COX11: variants seen among roughly 807,000 people sequenced by gnomAD.
The protein encoded by COX11 is cytochrome c oxidase copper chaperone COX11, also known as cytochrome c oxidase assembly protein COX11, mitochondrial.
COX11 carries 18 observed loss-of-function variants against 29.4 expected under a neutral mutation model. The ratio of observed to expected loss-of-function variants is 0.61; its 90% confidence interval spans 0.42 to 0.91. The LOEUF (loss-of-function observed/expected upper bound fraction) is 0.91. Among genes scored for constraint, COX11 ranks in the 40% least tolerant of loss-of-function variants. The pLI is 0.00. For synonymous variants in COX11, 131 were observed against 124.0 expected (o/e 1.06, Z -0.38); for missense variants, 312 against 346.0 (o/e 0.90, Z 0.78).
chr17:54,953,854 A>C (rs920145081), exon 1 of COX11: 19 of 152,316 alleles, frequency 1.2e-4, no homozygotes, highest in African/African-American at 4.3e-4. Context: ...TGAGAGATGA[A>C]GTGAGATTAA....
At chr17:54,964,071 C>T (rs2077178348) in intron 2 of COX11, among the ~76,000 whole-genome samples, 2 of 152,112 alleles carry the variant, frequency 1.3e-5, no homozygotes, top group African/African-American at 2.4e-5. Flanking sequence ...TGGGCAAGCA[C>T]TAATATTTAT....
At chr17:54,967,222 G>T (rs1248703959) in intron 1 of COX11, among the ~76,000 whole-genome samples, 1 of 152,194 alleles carries the variant, frequency 6.6e-6, no homozygotes, top group Non-Finnish European at 1.5e-5. Context: ...TGGGTAATGT[G>T]TGTGGATTTT....
exon 1 of COX11, chr17:54,953,708 C>T (rs558956867): frequency 3.3e-5 from 5 of 152,372 alleles, no homozygotes; most frequent in Admixed American, 2.0e-4. Flanking sequence ...GTAGGGCTGC[C>T]GCATCTTCTT....
At chr17:54,958,369 CAT>C (rs1226840398), downstream of COX11, 4 of 152,160 alleles carry the variant, frequency 2.6e-5, no homozygotes, top group South Asian at 2.1e-4. Context: ...TTGAAAAGCA[CAT>C]GAGAGATTAA....
intron 2 of COX11, 145 bp from the exon 3 acceptor site, chr17:54,963,576 A>C (rs1274072096): frequency 1.3e-6 from 1 of 755,312 alleles, no homozygotes; most frequent in Non-Finnish European, 2.1e-6. Context: ...AATTGTGAAT[A>C]TTACCCATAA....
Position 54,968,265 on chromosome 17 carries a change from C to A in COX11, c.366+16G>T. On this transcript the variant is annotated intron_variant, in intron 1 of 3. Coordinates refer to ENST00000299335, the MANE Select transcript of COX11 (RefSeq NM_004375.5). ...TCTCGCGTCTGCGCCACCCTGCGGG[C>A]GGCGCCGGCCCCTACCTGGCAATAG... 6.2e-7 allele frequency: 1 copy of A among 1,600,790 alleles called. No individual in the cohort carries two copies. Among genetic ancestry groups the A allele is most frequent in the Non-Finnish European group, 8.5e-7 (1 of 1,175,436 alleles).
Position 54,961,313 on chromosome 17 carries a change from C to A in COX11, c.*1420G>T, listed in dbSNP as rs1446406242. ...CGTAGACTCTGTGCAGCTTTGAAGCCTGGAAGACAATACCTACCAACATGT... is the reference window on the plus strand; with the variant it reads ...CGTAGACTCTGTGCAGCTTTGAAGCATGGAAGACAATACCTACCAACATGT... On this transcript the variant is annotated 3_prime_UTR_variant, in exon 4 of 4. Coordinates refer to ENST00000299335, the MANE Select transcript of COX11 (RefSeq NM_004375.5). 5 of 1,551,546 alleles carry A rather than the reference C, an allele frequency of 3.2e-6. No individual in the cohort carries two copies. Among genetic ancestry groups the A allele is most frequent in the Non-Finnish European group, 4.4e-6 (5 of 1,146,902 alleles).
exon 1 of COX11, chr17:54,954,799 T>G (rs1252547182): frequency 1.2e-4 from 18 of 152,208 alleles, no homozygotes; most frequent in Admixed American, 1.2e-3. Flanking sequence ...CTGCATTTCA[T>G]CTGCAAGGCA....
downstream of COX11, chr17:54,957,930 G>A (rs1333505473): frequency 3.3e-5 from 5 of 152,196 alleles, no homozygotes; most frequent in Admixed American, 3.3e-4. Flanking sequence ...CAAAATTTGT[G>A]TTAATGTTAT....
upstream of COX11, chr17:54,968,678 A>AG: frequency 1.3e-6 from 2 of 1,584,988 alleles, no homozygotes; most frequent in South Asian, 2.2e-5. Context: ...CCCGCCTCTC[A>AG]GGGACGAGAG....
downstream of COX11, chr17:54,958,363 A>G (rs889628836): frequency 6.6e-6 from 1 of 152,242 alleles, no homozygotes; most frequent in Admixed American, 6.5e-5. Flanking sequence ...GTGCATTTGA[A>G]AAGCACATGA....
Position 54,961,634 on chromosome 17 carries a change from G to C in COX11, c.*1099C>G, listed in dbSNP as rs552337861. On this transcript the variant is annotated 3_prime_UTR_variant, in exon 4 of 4. Coordinates refer to ENST00000299335, the MANE Select transcript of COX11 (RefSeq NM_004375.5). Reference sequence around the variant, plus strand: ...ATGAAAGCATAAAATGTGAGAAACTGAATGTATTATTCAGGAAGAATACTG... The same window carrying C: ...ATGAAAGCATAAAATGTGAGAAACTCAATGTATTATTCAGGAAGAATACTG... 9.1e-7 allele frequency: 1 copy of C among 1,096,144 alleles called. No individual in the cohort carries two copies. Among genetic ancestry groups the C allele is most frequent in the Non-Finnish European group, 1.1e-6 (1 of 901,102 alleles). The allele number at this position is 1,096,144 out of a possible 1,614,324, so 67.9% of individuals were successfully genotyped here.
downstream of COX11, chr17:54,957,253 T>C: frequency 6.6e-6 from 1 of 152,230 alleles, no homozygotes; most frequent in East Asian, 1.9e-4. Flanking sequence ...TTGACTTAAT[T>C]TATGAGCAGA....
chr17:54,968,440 C>G lies in COX11; in HGVS notation c.207G>C (p.Gln69His). ...TCGAGCTCTTAGGCCGCCGCGGCGG[C>G]TGCAATGCTGGATGCCGGGCTCGAA... ...CSLRARHPAL[Q>H]PPRRPKSSNP... Residue 69 changes from glutamine (Q) to histidine (H), a missense_variant, in exon 1 of 4, where the codon CAG (glutamine) becomes CAC (histidine). This residue lies in a region of COX11 where 130 missense variants were observed against 106.0 expected (regional missense o/e 1.23). Transcript: ENST00000299335. The G allele has an allele frequency of 1.2e-6, 2 of 1,613,564 alleles. No individual in the cohort carries two copies. Among genetic ancestry groups the G allele is most frequent in the Non-Finnish European group, 1.7e-6 (2 of 1,180,014 alleles).
In COX11 at chr17:54,963,218, A is replaced by G. The variant is rs532486527; in HGVS notation, c.648+88T>C. ...GTTTAGAAGAAATTCGTTTTCAGAA[A>G]TCACAAGATCTACTAAAACACTAAG... On this transcript the variant is annotated intron_variant, in intron 3 of 3. Transcript: ENST00000299335. The G allele has an allele frequency of 3.5e-6, 5 of 1,430,816 alleles. No individual in the cohort carries two copies. In the African/African-American group the frequency reaches 4.3e-5, roughly 12 times the overall value. 88.6% of individuals were successfully genotyped at this position (1,430,816 alleles called of 1,614,324 possible).
Position 54,962,618 on chromosome 17 carries a change from ATAAT to A in COX11, c.*111_*114del, listed in dbSNP as rs1369508468. 2.8e-5 allele frequency: 39 copies of A among 1,382,828 alleles called. No homozygotes were observed. The highest frequency in any genetic ancestry group is 3.5e-5 in the Non-Finnish European group (37 of 1,055,562). The allele number at this position is 1,382,828 out of a possible 1,614,324, so 85.7% of individuals were successfully genotyped here. On this transcript the variant is annotated 3_prime_UTR_variant, in exon 4 of 4. Transcript: ENST00000299335. ...AGTGAAAAAAATTAGTTGAGAAAAA[ATAAT>A]TATTTAAAATATAAGCCTTCATATT...
In COX11 at chr17:54,968,348, G is replaced by C. The variant is rs775877209; in HGVS notation, c.299C>G (p.Ala100Gly). 17 of 1,612,842 alleles carry C rather than the reference G, an allele frequency of 1.1e-5. No homozygotes were observed. In the African/African-American group the frequency reaches 2.0e-4, roughly 19 times the overall value. Residue 100 changes from alanine (A) to glycine (G), a missense_variant, in exon 1 of 4, where the codon GCC (alanine) becomes GGC (glycine). Ala to Gly is a moderately conservative substitution (Grantham distance 60). Coordinates refer to ENST00000299335, the MANE Select transcript of COX11 (RefSeq NM_004375.5). ...CCCCAGCATGCCCACGGCGACAGCG[G>C]CCACGTAAGTGAGGGTCGTCTTGTT... ...RQNKTTLTYV[A>G]AVAVGMLGAS... is the part of the protein sequence containing the mutation.
At chr17:54,968,184 C>G in intron 1 of COX11, 97 bp downstream of exon 1, 1 of 1,518,926 alleles carries the variant, frequency 6.6e-7, no homozygotes, top group Non-Finnish European at 8.8e-7. Flanking sequence ...GAAACCTCTT[C>G]CACCTACGAC....
downstream of COX11, chr17:54,957,309 G>A (rs1449209129): frequency 6.6e-6 from 1 of 152,158 alleles, no homozygotes; most frequent in Non-Finnish European, 1.5e-5. Context: ...CCTAACTCAG[G>A]TTTGAGAAAT....
Sources: allele counts gnomAD v4.1 joint callset (sites outside exome capture counted in the v4.1 genomes callset), GRCh38; gene constraint gnomAD v4.1.1; regional missense constraint gnomAD v4.1.1; transcripts MANE v1.5; gene names NCBI Gene and HGNC (gene_info 2026-07-23, HGNC 2026-07-21).